GRM8: variants seen among roughly 807,000 people sequenced by gnomAD.
GRM8 encodes the protein metabotropic glutamate receptor 8.
Under a neutral mutation model 87.2 loss-of-function variants are expected in GRM8, and 47 were observed. That is an observed-to-expected ratio of 0.54 (90% CI 0.43 to 0.69). GRM8 has a LOEUF of 0.69. GRM8 is among the 30% of genes least tolerant of loss of function. GRM8 has a pLI of 0.00. For synonymous variants in GRM8, 396 were observed against 404.5 expected, an observed-to-expected ratio of 0.98 and a Z score of 0.25; for missense variants, 1,019 against 1,139.2, an observed-to-expected ratio of 0.89 and a Z score of 1.52.
intron 3 of GRM8, among the ~76,000 whole-genome samples, chr7:127,073,924 A>T (rs561110530): frequency 6.6e-6 from 1 of 152,310 alleles, no homozygotes; most frequent in East Asian, 1.9e-4. Flanking sequence ...GTCCTTGAAA[A>T]TCCTTCTACA....
chr7:127,208,474 C>A (rs375869963), intron 2 of GRM8, among the ~76,000 whole-genome samples: 12 of 152,174 alleles, frequency 7.9e-5, no homozygotes, highest in East Asian at 3.9e-4. Flanking sequence ...GAAATAAAGT[C>A]TCCTTCACAG....
At position 127,005,879 on chromosome 7, in the gene GRM8, C is replaced by T. The variant is rs546781405; in HGVS notation, c.727+100617G>A. ...TTTTAGGAAAGAATTTTAAGAAATG[C>T]CTTCATTTTCTTAAATTTATGACCA... is the stretch of plus-strand genomic sequence containing the variant. On this transcript the variant is annotated intron_variant, in intron 3 of 10. Coordinates refer to ENST00000339582, the MANE Select transcript of GRM8 (RefSeq NM_000845.3). Among the ~76,000 whole-genome samples the T allele has an allele frequency of 5.9e-5, 9 of 151,812 alleles. No individual in the cohort carries two copies. The South Asian group carries it at 1.2e-3, about 21-fold the overall frequency.
At chr7:126,889,236 C>T (rs922188366) in intron 6 of GRM8, among the ~76,000 whole-genome samples, 11 of 152,086 alleles carry the variant, frequency 7.2e-5, no homozygotes, top group East Asian at 1.9e-4. Context: ...TCTAAAAATG[C>T]GGAAAATAAG....
intron 6 of GRM8, among the ~76,000 whole-genome samples, chr7:126,775,173 A>C (rs1327121202): frequency 1.3e-5 from 2 of 151,920 alleles, no homozygotes; most frequent in African/African-American, 4.8e-5. Context: ...ACTATTTTAA[A>C]TAATTAAGTC....
At chr7:126,752,098 G>C (rs1256325803) in intron 7 of GRM8, among the ~76,000 whole-genome samples, 1 of 152,142 alleles carries the variant, frequency 6.6e-6, no homozygotes, top group Non-Finnish European at 1.5e-5. Context: ...ATCAAGTGGA[G>C]AGCATTTACT....
intron 3 of GRM8, among the ~76,000 whole-genome samples, chr7:127,023,785 C>T (rs543326600): frequency 2.6e-5 from 4 of 152,198 alleles, no homozygotes; most frequent in South Asian, 4.1e-4. Flanking sequence ...AGTGTTTGCA[C>T]AGCTCCATGG....
At chr7:126,561,766 T>G in intron 8 of GRM8, among the ~76,000 whole-genome samples, 1 of 121,840 alleles carries the variant, frequency 8.2e-6, no homozygotes. Flanking sequence ...CCTAATGTTA[T>G]CCCTCCCCCC....
intron 2 of GRM8, among the ~76,000 whole-genome samples, chr7:127,129,624 G>T (rs1827564469): frequency 1.3e-5 from 2 of 152,184 alleles, no homozygotes; most frequent in South Asian, 4.2e-4. Flanking sequence ...CACAGTAGGG[G>T]ATTTAATTCC....
At chr7:126,677,144 C>T (rs953103665) in intron 7 of GRM8, among the ~76,000 whole-genome samples, 1 of 152,084 alleles carries the variant, frequency 6.6e-6, no homozygotes, top group African/African-American at 2.4e-5. Context: ...ATTAAAACCA[C>T]AATGAGATAC....
chr7:126,629,225 C>T (rs773049156), intron 7 of GRM8, among the ~76,000 whole-genome samples: 2 of 152,164 alleles, frequency 1.3e-5, no homozygotes, highest in East Asian at 1.9e-4. Flanking sequence ...CTTTTCTGCA[C>T]ATTTTTAGAT....
At chr7:126,721,840 T>C (rs1021803409) in intron 7 of GRM8, among the ~76,000 whole-genome samples, 3 of 152,078 alleles carry the variant, frequency 2.0e-5, no homozygotes, top group Non-Finnish European at 4.4e-5. Context: ...TGGTGCCTCT[T>C]TTAATAGGCC....
At chr7:127,226,257 ATGATAT>A (rs1797314593) in intron 2 of GRM8, among the ~76,000 whole-genome samples, 1 of 152,162 alleles carries the variant, frequency 6.6e-6, no homozygotes, top group Non-Finnish European at 1.5e-5. Flanking sequence ...CCCCCAGCCC[ATGATAT>A]AACAAAGAGA....
At chr7:126,666,893 T>C (rs1036912424) in intron 7 of GRM8, among the ~76,000 whole-genome samples, 2 of 152,196 alleles carry the variant, frequency 1.3e-5, no homozygotes, top group Non-Finnish European at 2.9e-5. Flanking sequence ...TAAATATTAA[T>C]ATACTTGATT....
chr7:126,689,375 CAAT>C (rs1213179555), intron 7 of GRM8, among the ~76,000 whole-genome samples: 1 of 152,194 alleles, frequency 6.6e-6, no homozygotes, highest in Admixed American at 6.5e-5. Context: ...ATGCCAACAA[CAAT>C]AAGTTATTGT....
At chr7:126,597,202 A>G (rs1797292823) in intron 8 of GRM8, among the ~76,000 whole-genome samples, 1 of 152,118 alleles carries the variant, frequency 6.6e-6, no homozygotes, top group African/African-American at 2.4e-5. Flanking sequence ...CTCCTCCCTC[A>G]GTTAATTATT....
Position 127,174,481 on chromosome 7 carries a change from T to C in GRM8, c.511-67769A>G, listed in dbSNP as rs1242983579. On this transcript the variant is annotated intron_variant, in intron 2 of 10. Transcript: ENST00000339582. Reference sequence around the variant, plus strand: ...CAAAGGATGTCTCCTGGTAGCCTAATTGGTCCTCTTGGTCCTCAAATTCTC... The same window carrying C: ...CAAAGGATGTCTCCTGGTAGCCTAACTGGTCCTCTTGGTCCTCAAATTCTC... 4.6e-5 allele frequency among the ~76,000 whole-genome samples: 7 copies of C among 152,230 alleles called. No individual in the cohort carries two copies. In the East Asian group the frequency reaches 9.6e-4, roughly 21 times the overall value.
At chr7:126,522,212 A>G (rs990109701) in intron 9 of GRM8, among the ~76,000 whole-genome samples, 4 of 152,116 alleles carry the variant, frequency 2.6e-5, no homozygotes, top group African/African-American at 9.7e-5. Flanking sequence ...TCTGTTCCCA[A>G]TTCAACTTGA....
chr7:127,125,101 G>A (rs1563529341), intron 2 of GRM8, among the ~76,000 whole-genome samples: 1 of 152,096 alleles, frequency 6.6e-6, no homozygotes, highest in Admixed American at 6.5e-5. Context: ...CAAGACACAA[G>A]ACTGTCCATT....
intron 3 of GRM8, among the ~76,000 whole-genome samples, chr7:126,967,543 T>A (rs1809998537): frequency 2.7e-5 from 2 of 75,140 alleles, no homozygotes; most frequent in Admixed American, 2.5e-4. Context: ...TAAATCTACA[T>A]CCCTTGAGAA....
Sources: gnomAD v4.1 joint callset for allele counts (sites outside exome capture counted in the v4.1 genomes callset) on GRCh38, gnomAD v4.1.1 for gene constraint, MANE v1.5 for transcripts, NCBI Gene and HGNC (gene_info 2026-07-23, HGNC 2026-07-21) for gene names.